NUMA1: variants seen among roughly 807,000 people sequenced by gnomAD.
NUMA1 encodes the protein SP-H antigen.
NUMA1 carries 62 observed loss-of-function variants against 237.1 expected under a neutral mutation model. The ratio of observed to expected loss-of-function variants is 0.26; its 90% CI spans 0.21 to 0.32. NUMA1 has a LOEUF of 0.32. NUMA1 is among the 10% of genes least tolerant of loss of function. NUMA1 has a pLI of 1.00. For missense variants in NUMA1, 2,533 were observed against 2,666.5 expected, an observed-to-expected ratio of 0.95 and a Z score of 1.10; for synonymous variants, 1,028 against 1,066.1, an observed-to-expected ratio of 0.96 and a Z score of 0.70.
chr11:72,004,264 A>T lies in NUMA1; in HGVS notation c.6084T>A (p.Thr2028=). 6.2e-7 allele frequency: 1 copy of T among 1,612,834 alleles called. No individual in the cohort carries two copies. ...DRHEGRKQST[T]EAQKKAAPAS... ...CTGGAGCTGCTTTCTTCTGGGCCTCAGTAGTGCTCTGTTTGCGCCCTTCAT... is the reference window on the plus strand; with the variant it reads ...CTGGAGCTGCTTTCTTCTGGGCCTCTGTAGTGCTCTGTTTGCGCCCTTCAT... The change falls in exon 25 of 27, where the codon ACT becomes ACA. Residue 2028 remains threonine, a synonymous_variant. Transcript: ENST00000393695.
Position 72,014,918 on chromosome 11 carries a change from T to C in NUMA1, c.2585A>G (p.His862Arg). 6.2e-7 allele frequency: 1 copy of C among 1,614,212 alleles called. No individual in the cohort carries two copies. The change falls in exon 15 of 27, where the codon CAC (histidine) becomes CGC (arginine). Residue 862 changes from histidine to arginine, a missense_variant. This residue lies in a region of NUMA1 where 1,414 missense variants were observed against 1,508.1 expected (regional missense o/e 0.94). Coordinates refer to ENST00000393695, the MANE Select transcript of NUMA1 (RefSeq NM_006185.4). The surrounding 1 kb of genome is among the most constrained non-coding windows in gnomAD (Gnocchi z 4.6). ...CTGCCGGCTTATCTGGAGCTCGCTGTGGGATTCTATGCCTGCCACCTTCTC... is the reference window on the plus strand; with the variant it reads ...CTGCCGGCTTATCTGGAGCTCGCTGCGGGATTCTATGCCTGCCACCTTCTC... ...AKEKVAGIES[H>R]SELQISRQQN... is the part of the protein sequence containing the mutation.
chr11:72,009,335 G>T lies in NUMA1; in HGVS notation c.4772C>A (p.Ala1591Asp), dbSNP rs199899150. ...CTGGGCTTGCAGTTCATTCAGCTGG[G>T]CCTGGAGGCGCTGGGCCTCCTGCTG... Reference protein sequence around the residue: ...ESQQEAQRLQAQLNELQAQLS... With the variant: ...ESQQEAQRLQDQLNELQAQLS... The change falls in exon 18 of 27, where the codon GCC becomes GAC. Residue 1591 changes from alanine to aspartate, a missense_variant. Ala to Asp is a moderately radical substitution (Grantham distance 126). Around this residue, in one of 3 missense-constraint regions of NUMA1, gnomAD observed 795 missense variants for 750.8 expected, o/e 1.06. Transcript: ENST00000393695. The T allele has an allele frequency of 1.2e-6, 2 of 1,613,072 alleles. No homozygotes were observed. The highest frequency in any genetic ancestry group is 2.7e-5 in the African/African-American group (2 of 75,022).
chr11:72,045,284 G>A (rs1169397142), intron 2 of NUMA1, among the ~76,000 whole-genome samples: 2 of 152,026 alleles, frequency 1.3e-5, no homozygotes, highest in South Asian at 2.1e-4. Flanking sequence ...GCTCATTGCT[G>A]TAGGCTCCCC....
rs764001692 is a variant in NUMA1, at chr11:72,015,813, C to G, written c.1690G>C (p.Glu564Gln). Residue 564 changes from glutamate to glutamine, a missense_variant, in exon 15 of 27, where the codon GAG (glutamate) becomes CAG (glutamine). Glu to Gln is a conservative substitution (Grantham distance 29). Transcript: ENST00000393695. The surrounding 1 kb of genome is among the most constrained non-coding windows in gnomAD (Gnocchi z 4.0). ...TCCGCTACCTCCTTCAACTGCTGCT[C>G]CTTCTGCTTCAGGCTACTGCTTAGC... ...EQLSSSLKQKEQQLKEVAEKQ... is the reference protein window; with the variant it reads ...EQLSSSLKQKQQQLKEVAEKQ... 3.1e-6 allele frequency: 5 copies of G among 1,614,236 alleles called. No individual in the cohort carries two copies. The Admixed American group carries it at 8.3e-5, about 27-fold the overall frequency.
In NUMA1 at chr11:72,006,245, G is replaced by C; in HGVS notation, c.5482C>G (p.Pro1828Ala). The change falls in exon 22 of 27, where the codon CCA becomes GCA. Residue 1828 changes from proline to alanine, a missense_variant. This residue lies in a region of NUMA1 where 795 missense variants were observed against 750.8 expected (regional missense o/e 1.06). Transcript: ENST00000393695. Reference protein sequence around the residue: ...TMTKKLDVEEPDSANSSFYST... With the variant: ...TMTKKLDVEEADSANSSFYST... ...TAGAACGATGAGTTGGCGCTGTCTGGCTCTTCCACATCTAGCTTCTGGAAG... is the reference window on the plus strand; with the variant it reads ...TAGAACGATGAGTTGGCGCTGTCTGCCTCTTCCACATCTAGCTTCTGGAAG... 2 of 1,614,084 alleles carry C rather than the reference G, an allele frequency of 1.2e-6. No individual in the cohort carries two copies. The highest frequency in any genetic ancestry group is 1.1e-5 in the South Asian group (1 of 91,088).
At chr11:72,004,901 G>A (rs924845184) in intron 23 of NUMA1, 85 bp from the exon 24 acceptor site, 29 of 1,311,692 alleles carry the variant, frequency 2.2e-5, no homozygotes, top group East Asian at 7.4e-5. Flanking sequence ...CTCTACACTC[G>A]CCCGACACTT....
At chr11:72,058,564 T>C (rs1369222197) in intron 2 of NUMA1, among the ~76,000 whole-genome samples, 1 of 152,234 alleles carries the variant, frequency 6.6e-6, no homozygotes, top group South Asian at 2.1e-4. Context: ...CCTTGACGTA[T>C]TTCAAGTTAA....
intron 2 of NUMA1, chr11:72,039,631 T>C (rs1296797113): frequency 6.6e-6 from 1 of 151,974 alleles, no homozygotes; most frequent in African/African-American, 2.4e-5. Flanking sequence ...CCCACCCCCT[T>C]CTCCACCTGA....
At chr11:72,037,042 G>A (rs1191933789) in intron 2 of NUMA1, among the ~76,000 whole-genome samples, 1 of 152,168 alleles carries the variant, frequency 6.6e-6, no homozygotes, top group African/African-American at 2.4e-5. Context: ...TCTCATGTAT[G>A]CAAGTTGGGG....
At chr11:72,003,591 A>C (rs1400024381) in intron 26 of NUMA1, 53 bp from the exon 27 acceptor site, 2 of 1,606,048 alleles carry the variant, frequency 1.2e-6, no homozygotes, top group Admixed American at 3.3e-5. Flanking sequence ...ACTAGCCTGC[A>C]CCCACTGGCT....
intron 3 of NUMA1, among the ~76,000 whole-genome samples, chr11:72,030,324 A>G (rs1940126635): frequency 6.6e-6 from 1 of 150,850 alleles, no homozygotes; most frequent in African/African-American, 2.4e-5. Flanking sequence ...TGACAGAGCA[A>G]GACCCTGTCT....
In NUMA1 at chr11:72,027,215, G is replaced by A. The variant is rs540513469; in HGVS notation, c.128+1990C>T. Among the ~76,000 whole-genome samples the A allele has an allele frequency of 2.6e-5, 4 of 152,226 alleles. No homozygotes were observed. The South Asian group carries it at 8.3e-4, about 32-fold the overall frequency. Reference sequence around the variant, plus strand: ...CCCATATTGTGTGTTACAATACAAGGCATATTATACCTGGCTGCTTCACTT... The same window carrying A: ...CCCATATTGTGTGTTACAATACAAGACATATTATACCTGGCTGCTTCACTT... On this transcript the variant is annotated intron_variant, in intron 4 of 26. Coordinates refer to ENST00000393695, the MANE Select transcript of NUMA1 (RefSeq NM_006185.4).
intron 1 of NUMA1, chr11:72,076,738 T>C (rs760550072): frequency 1.3e-5 from 2 of 151,992 alleles, no homozygotes; most frequent in Non-Finnish European, 2.9e-5. Context: ...GGAGCCGAGA[T>C]TGCACCACTG....
chr11:72,004,564 C>A, intron 24 of NUMA1, 76 bp downstream of exon 24: 1 of 1,461,792 alleles, frequency 6.8e-7, no homozygotes. Context: ...AGAGAGAAGG[C>A]TCCCTTTAGT....
At position 72,008,732 on chromosome 11, in the gene NUMA1, G is replaced by A; in HGVS notation, c.5172C>T (p.Ser1724=). The A allele has an allele frequency of 6.2e-7, 1 of 1,614,042 alleles. No homozygotes were observed. The highest frequency in any genetic ancestry group is 8.5e-7 in the Non-Finnish European group (1 of 1,180,006). The change falls in exon 20 of 27, where the codon AGC becomes AGT. Residue 1724 remains serine, a synonymous_variant. Coordinates refer to ENST00000393695, the MANE Select transcript of NUMA1 (RefSeq NM_006185.4). The part of the protein sequence containing the change: ...AKPQLDLSID[S]LDLSCEEGTP... ...TCCCCTCCTCGCAGCTCAGATCCAG[G>A]CTGTCAATACTCAAGTCCAGCTGGG...
intron 3 of NUMA1, among the ~76,000 whole-genome samples, chr11:72,034,273 A>G (rs942681778): frequency 5.3e-5 from 8 of 152,212 alleles, no homozygotes; most frequent in Admixed American, 5.2e-4. Flanking sequence ...AAATGACTGC[A>G]TGTATGTGGG....
At position 72,017,762 on chromosome 11, in the gene NUMA1, G is replaced by A. The variant is rs778887957; in HGVS notation, c.1044C>T (p.His348=). 1.9e-6 allele frequency: 3 copies of A among 1,613,154 alleles called. No individual in the cohort carries two copies. Among genetic ancestry groups the A allele is most frequent in the African/African-American group, 2.7e-5 (2 of 74,922 alleles). Reference sequence around the variant, plus strand: ...CTAGCCACTCCTGAGTGGCCTTGCTGTGCTCCTCCGTCAGCTCATTGAGGG... The same window carrying A: ...CTAGCCACTCCTGAGTGGCCTTGCTATGCTCCTCCGTCAGCTCATTGAGGG... ...QDALNELTEE[H]SKATQEWLEK... The change falls in exon 13 of 27, where the codon CAC becomes CAT. Residue 348 remains histidine, a synonymous_variant. Transcript: ENST00000393695.
At chr11:72,068,553 G>A (rs111841654) in intron 2 of NUMA1, 4,599 of 152,392 alleles carry the variant, frequency 0.03, 63 homozygotes, top group East Asian at 0.073. Flanking sequence ...CCCGAGAGGT[G>A]GAGGTTGCAG....
At chr11:72,054,636 T>C (rs1392692986) in intron 2 of NUMA1, among the ~76,000 whole-genome samples, 2 of 152,170 alleles carry the variant, frequency 1.3e-5, no homozygotes, top group Non-Finnish European at 2.9e-5. Context: ...GGCTAATAAG[T>C]AGCAGAATTA....
Sources: gnomAD v4.1 joint callset for allele counts (sites outside exome capture counted in the v4.1 genomes callset) on GRCh38, gnomAD v4.1.1 for gene constraint, gnomAD v4.1.1 regional missense constraint, Gnocchi (gnomAD v3.1) non-coding constraint, MANE v1.5 for transcripts, NCBI Gene and HGNC (gene_info 2026-07-23, HGNC 2026-07-21) for gene names.